Variants in ABCC4 observed in about 807,000 individuals in gnomAD.
ABCC4 encodes the protein ATP-binding cassette sub-family C member 4.
In ABCC4, 102 loss-of-function variants were observed where a neutral mutation model predicts 168.5. The ratio of observed to expected loss-of-function variants is 0.61; its 90% CI spans 0.52 to 0.71. The LOEUF is 0.71. Among genes scored for constraint, ABCC4 ranks in the 30% least tolerant of loss-of-function variants. The pLI is 0.00. For missense variants in ABCC4, 1,402 were observed against 1,605.8 expected (o/e 0.87, Z 2.17); for synonymous variants, 617 against 590.7 (o/e 1.04, Z -0.65).
At chr13:95,277,379 G>A (rs998629788) in intron 1 of ABCC4, among the ~76,000 whole-genome samples, 3 of 152,030 alleles carry the variant, frequency 2.0e-5, no homozygotes, top group Non-Finnish European at 4.4e-5. Context: ...TCAGGAGTTC[G>A]AGACCAGCCT....
intron 19 of ABCC4, among the ~76,000 whole-genome samples, chr13:95,128,093 A>G (rs2035845592): frequency 6.6e-6 from 1 of 152,166 alleles, no homozygotes; most frequent in Non-Finnish European, 1.5e-5. Flanking sequence ...AGTAGCAGGG[A>G]GTCCTGAGGG....
chr13:95,061,498 T>C (rs988488026), intron 26 of ABCC4, among the ~76,000 whole-genome samples: 1 of 152,020 alleles, frequency 6.6e-6, no homozygotes, highest in African/African-American at 2.4e-5. Flanking sequence ...AAACAGGCAT[T>C]GAAGAGTTGT....
intron 4 of ABCC4, among the ~76,000 whole-genome samples, chr13:95,220,155 C>T (rs939808073): frequency 4.7e-5 from 7 of 149,098 alleles, no homozygotes; most frequent in Non-Finnish European, 1.0e-4. Flanking sequence ...TGTGAACCAA[C>T]GTGCCCAGCC....
intron 8 of ABCC4, among the ~76,000 whole-genome samples, chr13:95,196,090 G>A (rs1321008672): frequency 1.3e-5 from 2 of 152,070 alleles, no homozygotes; most frequent in African/African-American, 2.4e-5. Flanking sequence ...CTAACATAAT[G>A]ATATATGGGA....
chr13:95,245,925 A>G (rs1010073663), intron 3 of ABCC4, among the ~76,000 whole-genome samples: 13 of 115,916 alleles, frequency 1.1e-4, no homozygotes, highest in Non-Finnish European at 2.2e-4. Flanking sequence ...ACAACTCCCC[A>G]TCCTGCATTT....
chr13:95,301,298 T>C lies in ABCC4; in HGVS notation c.17A>G (p.Gln6Arg), dbSNP rs755197392. The change falls in exon 1 of 31, where the codon CAG (glutamine) becomes CGG (arginine). Residue 6 changes from glutamine (Q) to arginine (R), a missense_variant. By Grantham distance (43) the Gln-to-Arg change is conservative (BLOSUM62 1). Around this residue, in one of 3 missense-constraint regions of ABCC4, gnomAD observed 317 missense variants for 345.5 expected, o/e 0.92. Transcript: ENST00000645237. MLPVY[Q>R]EVKPNPLQDA... ...CTGCAGCGGGTTGGGCTTCACCTCC[T>C]GGTACACGGGCAGCATCTTGCCGGG... 5 of 1,593,910 alleles carry C rather than the reference T, an allele frequency of 3.1e-6. No homozygotes were observed. In the African/African-American group the frequency reaches 6.9e-5, roughly 22 times the overall value.
chr13:95,238,436 G>C (rs575386335), intron 3 of ABCC4, among the ~76,000 whole-genome samples: 1 of 152,160 alleles, frequency 6.6e-6, no homozygotes, highest in African/African-American at 2.4e-5. Context: ...AATTGATCAG[G>C]GTAGGGCCTG....
intron 1 of ABCC4, among the ~76,000 whole-genome samples, chr13:95,287,978 G>A (rs937244972): frequency 6.6e-6 from 1 of 151,970 alleles, no homozygotes; most frequent in African/African-American, 2.4e-5. Flanking sequence ...GGAGACGGAG[G>A]TTGCAGTGAG....
At chr13:95,257,821 T>A (rs1206706308) in intron 1 of ABCC4, among the ~76,000 whole-genome samples, 1 of 152,216 alleles carries the variant, frequency 6.6e-6, no homozygotes, top group East Asian at 1.9e-4. Flanking sequence ...TAATTCACAC[T>A]TCTCAAGGCT....
intron 19 of ABCC4, among the ~76,000 whole-genome samples, chr13:95,150,571 T>C (rs1041721060): frequency 6.6e-6 from 1 of 152,152 alleles, no homozygotes; most frequent in Non-Finnish European, 1.5e-5. Flanking sequence ...AAAGAGCTTC[T>C]ATTTAAACGA....
At chr13:95,128,794 T>A (rs2035868255) in intron 19 of ABCC4, among the ~76,000 whole-genome samples, 1 of 152,182 alleles carries the variant, frequency 6.6e-6, no homozygotes, top group African/African-American at 2.4e-5. Context: ...CTTGGTTCCT[T>A]TAAATTAAAA....
At chr13:95,134,117 C>A (rs2139460046) in intron 19 of ABCC4, among the ~76,000 whole-genome samples, 1 of 152,276 alleles carries the variant, frequency 6.6e-6, no homozygotes, top group Non-Finnish European at 1.5e-5. Context: ...TGCTCAGATG[C>A]ATGAATAATG....
intron 11 of ABCC4, 128 bp downstream of exon 11, chr13:95,186,573 G>A (rs1335820281): frequency 1.2e-5 from 9 of 760,758 alleles, no homozygotes; most frequent in East Asian, 8.4e-5. Context: ...TGGGAGGACC[G>A]CCTTAAAGTA....
chr13:95,145,711 A>G (rs138474647), intron 19 of ABCC4, among the ~76,000 whole-genome samples: 201 of 152,278 alleles, frequency 1.3e-3, no homozygotes, highest in African/African-American at 4.7e-3. Flanking sequence ...GTGCCCATCA[A>G]TGGTGGCCTG....
At chr13:95,294,883 G>A (rs2041489161) in intron 1 of ABCC4, among the ~76,000 whole-genome samples, 1 of 152,098 alleles carries the variant, frequency 6.6e-6, no homozygotes, top group African/African-American at 2.4e-5. Flanking sequence ...GAACTCCGGA[G>A]GCAGAGGTTG....
At chr13:95,181,643 G>A (rs759035056) in intron 11 of ABCC4, among the ~76,000 whole-genome samples, 1 of 152,228 alleles carries the variant, frequency 6.6e-6, no homozygotes, top group Non-Finnish European at 1.5e-5. Context: ...GATGCCTGGT[G>A]TTATCTCTAA....
chr13:95,033,662 C>CT (rs56165679), intron 30 of ABCC4, among the ~76,000 whole-genome samples: 2,442 of 133,730 alleles, frequency 0.018, 77 homozygotes, highest in African/African-American at 0.058. Context: ...GCAATTACAT[C>CT]TTTTTTTTTT....
chr13:95,133,350 T>C (rs921267093), intron 19 of ABCC4, among the ~76,000 whole-genome samples: 12 of 152,156 alleles, frequency 7.9e-5, no homozygotes, highest in African/African-American at 1.9e-4. Context: ...CTGGCCTCAA[T>C]TGATCTGCCT....
rs965650268 is a variant in ABCC4, at chr13:95,170,225, G to T, written c.1824+307C>A. 2.9e-5 allele frequency: 7 copies of T among 243,182 alleles called. No individual in the cohort carries two copies. In the Admixed American group the frequency reaches 3.6e-4, roughly 12 times the overall value. The allele number at this position is 243,182 out of a possible 1,614,324, so 15.1% of individuals were successfully genotyped here. A position where few individuals can be genotyped will look rare whatever the true frequency, so the allele number is the denominator to read the frequency against. On this transcript the variant is annotated intron_variant, in intron 14 of 30. Transcript: ENST00000645237. ...ATGACAATTAAAGGGATACAAACAG[G>T]TCTTAGAGTCTGTAATTTCCAAATA...
Sources: gnomAD v4.1 joint callset for allele counts (sites outside exome capture counted in the v4.1 genomes callset) on GRCh38, gnomAD v4.1.1 for gene constraint, gnomAD v4.1.1 regional missense constraint, MANE v1.5 for transcripts, NCBI Gene and HGNC (gene_info 2026-07-23, HGNC 2026-07-21) for gene names.